The following ACER3 variants were observed in gnomAD, a reference collection of about 807,000 sequenced individuals.
ACER3 encodes the protein alkCDase 3.
A neutral mutation model predicts 48.9 loss-of-function variants in ACER3; 16 were observed. The ratio of observed to expected loss-of-function variants is 0.33; its 90% confidence interval spans 0.22 to 0.50. ACER3 has a LOEUF of 0.50. Ranked by LOEUF, ACER3 falls within the 20% of genes least tolerant of loss-of-function variation. The pLI is 0.98. For synonymous variants in ACER3, 109 were observed against 107.8 expected, an observed-to-expected ratio of 1.01 and a Z score of -0.07; for missense variants, 227 against 326.0, an observed-to-expected ratio of 0.70 and a Z score of 2.34.
rs143564393 is a variant in ACER3, at chr11:76,907,606, C to T, written c.104-18951C>T. ...GCCAATAAAGCCGGGCACAGTGGCT[C>T]ACACCTGTAATCCCAGTGCTTTGGG... is the stretch of plus-strand genomic sequence containing the variant. On this transcript the variant is annotated intron_variant, in intron 1 of 10. Coordinates refer to ENST00000532485, the MANE Select transcript of ACER3 (RefSeq NM_018367.7). Among the ~76,000 whole-genome samples the T allele has an allele frequency of 7.7e-3, 1,161 of 150,894 alleles. 6 individuals are homozygous for T. Among genetic ancestry groups the T allele is most frequent in the Middle Eastern group, 0.014 (4 of 276 alleles).
chr11:76,880,838 T>G (rs555439322), intron 1 of ACER3, among the ~76,000 whole-genome samples: 1 of 152,222 alleles, frequency 6.6e-6, no homozygotes, highest in East Asian at 1.9e-4. Context: ...CATATATATA[T>G]ATTATGTATG....
chr11:77,007,825 A>G (rs1372562991), intron 7 of ACER3, among the ~76,000 whole-genome samples: 1 of 152,186 alleles, frequency 6.6e-6, no homozygotes, highest in Non-Finnish European at 1.5e-5. Context: ...TGAGCATGGA[A>G]GTCTAGGCTC....
intron 1 of ACER3, among the ~76,000 whole-genome samples, chr11:76,922,254 C>T (rs1266187869): frequency 1.3e-5 from 2 of 152,122 alleles, no homozygotes; most frequent in African/African-American, 2.4e-5. Context: ...TTGTAAGACC[C>T]TCCTGCACTC....
chr11:76,930,082 G>A (rs1469190513), intron 2 of ACER3, among the ~76,000 whole-genome samples: 5 of 151,710 alleles, frequency 3.3e-5, no homozygotes, highest in Admixed American at 1.3e-4. Context: ...GAATTTGGCT[G>A]TGAGTCCGTC....
intron 2 of ACER3, among the ~76,000 whole-genome samples, chr11:76,954,041 A>G (rs934648454): frequency 2.7e-5 from 4 of 150,094 alleles, no homozygotes; most frequent in Admixed American, 6.7e-5. Context: ...TCCGCCACCC[A>G]GGTTCAAGCG....
intron 1 of ACER3, among the ~76,000 whole-genome samples, chr11:76,895,742 A>G (rs1298317675): frequency 1.3e-5 from 2 of 152,270 alleles, no homozygotes. Context: ...GCAGCCTGCC[A>G]TAAGTAAAAA....
At chr11:77,014,809 G>C (rs1949335826) in intron 7 of ACER3, among the ~76,000 whole-genome samples, 1 of 152,168 alleles carries the variant, frequency 6.6e-6, no homozygotes, top group African/African-American at 2.4e-5. Context: ...CTATTTGGGA[G>C]ACTGAGATGG....
At chr11:77,012,792 C>T (rs947156273) in intron 7 of ACER3, among the ~76,000 whole-genome samples, 1 of 152,122 alleles carries the variant, frequency 6.6e-6, no homozygotes, top group Non-Finnish European at 1.5e-5. Flanking sequence ...GAAACTGATT[C>T]TGACATTAAC....
intron 1 of ACER3, among the ~76,000 whole-genome samples, chr11:76,892,659 A>G (rs934042411): frequency 1.1e-4 from 17 of 152,204 alleles, no homozygotes; most frequent in African/African-American, 2.9e-4. Flanking sequence ...TAGAACTAGC[A>G]TAATTCATTT....
intron 6 of ACER3, among the ~76,000 whole-genome samples, chr11:76,993,487 G>A (rs1296786643): frequency 2.6e-5 from 4 of 152,162 alleles, no homozygotes; most frequent in Non-Finnish European, 4.4e-5. Flanking sequence ...TAAGTCTTGC[G>A]ATAAATATGT....
In ACER3 at chr11:76,861,446, C is replaced by A. The variant is rs1022457842; in HGVS notation, c.103+367C>A. On this transcript the variant is annotated intron_variant, in intron 1 of 10. Coordinates refer to ENST00000532485, the MANE Select transcript of ACER3 (RefSeq NM_018367.7). ...AGGCTGGGAGAGTGGAGGACCCTGCCCCTTGGAATGAGGGCCCAGGACACC... is the reference window on the plus strand; with the variant it reads ...AGGCTGGGAGAGTGGAGGACCCTGCACCTTGGAATGAGGGCCCAGGACACC... Among the ~76,000 whole-genome samples, 4 of 152,134 alleles carry A rather than the reference C, an allele frequency of 2.6e-5. No homozygotes were observed. The South Asian group carries it at 8.3e-4, about 32-fold the overall frequency.
chr11:77,000,892 G>C (rs1421643084), intron 7 of ACER3, among the ~76,000 whole-genome samples: 1 of 151,854 alleles, frequency 6.6e-6, no homozygotes, highest in Non-Finnish European at 1.5e-5. Context: ...AGCTATTCAG[G>C]TTCCTTTGCC....
At chr11:76,973,331 G>C (rs537024251) in intron 3 of ACER3, among the ~76,000 whole-genome samples, 72 of 152,344 alleles carry the variant, frequency 4.7e-4, no homozygotes, top group African/African-American at 1.5e-3. Context: ...CCCCAAGTCT[G>C]TGGTGTCACT....
At chr11:76,874,800 C>G (rs1332667687) in intron 1 of ACER3, among the ~76,000 whole-genome samples, 7 of 152,102 alleles carry the variant, frequency 4.6e-5, no homozygotes, top group Non-Finnish European at 7.4e-5. Flanking sequence ...GGTGGACTTT[C>G]CATTTCTCCT....
intron 7 of ACER3, among the ~76,000 whole-genome samples, chr11:77,006,068 C>T (rs918519828): frequency 2.4e-4 from 35 of 146,004 alleles, no homozygotes; most frequent in African/African-American, 8.0e-4. Flanking sequence ...TGGCTCACTG[C>T]AACCTCTGCC....
At chr11:76,946,485 A>G (rs1051617686) in intron 2 of ACER3, among the ~76,000 whole-genome samples, 2 of 152,146 alleles carry the variant, frequency 1.3e-5, no homozygotes, top group African/African-American at 4.8e-5. Context: ...CATCAGCCCA[A>G]ACTCAGCCTG....
chr11:76,868,406 T>A (rs2134510709), intron 1 of ACER3: 1 of 536,298 alleles, frequency 1.9e-6, no homozygotes, highest in Non-Finnish European at 2.9e-6. Context: ...TGTGTGTGTG[T>A]GTGTGTGTGT....
intron 1 of ACER3, among the ~76,000 whole-genome samples, chr11:76,921,822 C>T (rs1017567511): frequency 1.3e-5 from 2 of 152,098 alleles, no homozygotes; most frequent in African/African-American, 2.4e-5. Context: ...ACTGCAGTTA[C>T]GTGTTCAGAT....
intron 1 of ACER3, among the ~76,000 whole-genome samples, chr11:76,870,039 T>G (rs1164921168): frequency 6.6e-6 from 1 of 151,768 alleles, no homozygotes; most frequent in Non-Finnish European, 1.5e-5. Context: ...TTTTTTTATT[T>G]TCCGTAGAGA....
Sources: gnomAD v4.1 joint callset for allele counts (sites outside exome capture counted in the v4.1 genomes callset) on GRCh38, gnomAD v4.1.1 for gene constraint, MANE v1.5 for transcripts, NCBI Gene and HGNC (gene_info 2026-07-23, HGNC 2026-07-21) for gene names.